The following FGGY variants were observed in gnomAD, a reference collection of about 807,000 sequenced individuals.
FGGY encodes FGGY carbohydrate kinase domain containing.
Under a neutral mutation model 71.3 loss-of-function variants are expected in FGGY, and 72 were observed. The ratio of observed to expected loss-of-function variants is 1.01; its 90% CI spans 0.84 to 1.23. The LOEUF (loss-of-function observed/expected upper bound fraction) is 1.23, where lower values mean the gene tolerates loss of function less well. Ranked by LOEUF, FGGY falls within the 50% of genes most tolerant of loss-of-function variation. The pLI is 0.00. For missense variants in FGGY, 668 were observed against 682.3 expected (o/e 0.98, Z 0.23); for synonymous variants, 251 against 250.3 (o/e 1.00, Z -0.02).
intron 7 of FGGY, among the ~76,000 whole-genome samples, chr1:59,529,462 A>C (rs866463934): frequency 7.9e-5 from 12 of 152,226 alleles, no homozygotes; most frequent in African/African-American, 2.9e-4. Context: ...CTGGGAGAAT[A>C]GGTGTATTCT....
intron 14 of FGGY, among the ~76,000 whole-genome samples, chr1:59,722,958 G>A (rs898631535): frequency 5.9e-5 from 9 of 152,144 alleles, no homozygotes; most frequent in South Asian, 2.1e-4. Flanking sequence ...CACCATGCCC[G>A]GCTAATTTTT....
At chr1:59,653,406 T>C (rs1352454630) in intron 11 of FGGY, among the ~76,000 whole-genome samples, 2 of 152,134 alleles carry the variant, frequency 1.3e-5, no homozygotes, top group African/African-American at 2.4e-5. Context: ...ATCAGCGAGA[T>C]TCTGTGGGCG....
At chr1:59,464,950 A>G (rs959579988) in intron 6 of FGGY, among the ~76,000 whole-genome samples, 1 of 152,344 alleles carries the variant, frequency 6.6e-6, no homozygotes, top group African/African-American at 2.4e-5. Flanking sequence ...AGGAGCTGCT[A>G]CCATTCCTTC....
At chr1:59,496,180 C>T (rs550014858) in intron 6 of FGGY, among the ~76,000 whole-genome samples, 173 of 152,114 alleles carry the variant, frequency 1.1e-3, no homozygotes, top group South Asian at 5.2e-3. Flanking sequence ...TTGTAATTCT[C>T]GTTGTAGAGA....
chr1:59,587,387 C>T (rs1571703461), intron 8 of FGGY, among the ~76,000 whole-genome samples: 1 of 152,122 alleles, frequency 6.6e-6, no homozygotes, highest in East Asian at 1.9e-4. Context: ...AACAAAAAGA[C>T]AGCAGTAACC....
chr1:59,396,385 T>A (rs1211655585), intron 5 of FGGY, among the ~76,000 whole-genome samples: 1 of 152,174 alleles, frequency 6.6e-6, no homozygotes, highest in Non-Finnish European at 1.5e-5. Flanking sequence ...AGCTTGACAG[T>A]GTTTGTTTCT....
chr1:59,445,275 G>T (rs1405604758), intron 5 of FGGY, among the ~76,000 whole-genome samples: 1 of 152,164 alleles, frequency 6.6e-6, no homozygotes, highest in Non-Finnish European at 1.5e-5. Flanking sequence ...CTCACTTCCA[G>T]CCCTGGGCAC....
intron 3 of FGGY, among the ~76,000 whole-genome samples, chr1:59,345,663 C>T (rs1377720774): frequency 2.0e-5 from 3 of 151,658 alleles, no homozygotes; most frequent in Admixed American, 2.0e-4. Flanking sequence ...TTAGATCTGC[C>T]TAATTCCAAA....
At chr1:59,513,093 G>T (rs117992418) in intron 7 of FGGY, among the ~76,000 whole-genome samples, 1 of 152,214 alleles carries the variant, frequency 6.6e-6, no homozygotes. Context: ...ATTGCAGGTT[G>T]TGTGTGTTTT....
chr1:59,613,896 A>G (rs1253802907), intron 9 of FGGY, among the ~76,000 whole-genome samples: 7 of 152,276 alleles, frequency 4.6e-5, no homozygotes, highest in Non-Finnish European at 1.5e-5. Context: ...TAGAAAATCT[A>G]GAAGAAATGG....
chr1:59,703,776 T>C (rs1054729609), intron 14 of FGGY, among the ~76,000 whole-genome samples: 1 of 152,212 alleles, frequency 6.6e-6, no homozygotes, highest in Non-Finnish European at 1.5e-5. Flanking sequence ...TCATGAGTCA[T>C]TTGACTTTGC....
intron 5 of FGGY, among the ~76,000 whole-genome samples, chr1:59,385,026 CT>C (rs1557754744): frequency 6.6e-6 from 1 of 152,028 alleles, no homozygotes; most frequent in Non-Finnish European, 1.5e-5. Context: ...GCTAGAGGGT[CT>C]TTTTTAAAAA....
At chr1:59,597,169 A>G (rs2096532816) in intron 8 of FGGY, among the ~76,000 whole-genome samples, 1 of 152,222 alleles carries the variant, frequency 6.6e-6, no homozygotes, top group Non-Finnish European at 1.5e-5. Context: ...CTAGACTTGT[A>G]GGGATGTATC....
At chr1:59,512,215 G>A (rs1160590026) in intron 6 of FGGY, 96 bp from the exon 7 acceptor site, 1 of 1,314,930 alleles carries the variant, frequency 7.6e-7, no homozygotes, top group African/African-American at 1.5e-5. Context: ...TGCAGAGGAG[G>A]GAGGAGAGAG....
chr1:59,650,297 A>G (rs2097144512), intron 11 of FGGY, among the ~76,000 whole-genome samples: 3 of 140,842 alleles, frequency 2.1e-5, no homozygotes, highest in South Asian at 4.4e-4. Context: ...CGTCTTTTCT[A>G]TTGATTGGAA....
At chr1:59,647,740 T>C (rs914621620) in intron 11 of FGGY, among the ~76,000 whole-genome samples, 5 of 141,262 alleles carry the variant, frequency 3.5e-5, no homozygotes, top group African/African-American at 1.4e-4. Flanking sequence ...CCTGCCACCA[T>C]CTTTTTTTTT....
intron 13 of FGGY, among the ~76,000 whole-genome samples, chr1:59,671,046 A>G (rs1264938066): frequency 6.6e-6 from 1 of 152,074 alleles, no homozygotes; most frequent in East Asian, 1.9e-4. Context: ...TCATTTATTC[A>G]CTCAAAAGCA....
At chr1:59,520,008 G>T (rs1364007086) in intron 7 of FGGY, among the ~76,000 whole-genome samples, 2 of 152,192 alleles carry the variant, frequency 1.3e-5, no homozygotes, top group African/African-American at 2.4e-5. Context: ...CTGGCCTGTG[G>T]TGGGTAGAGG....
chr1:59,537,464 C>T (rs1275450224), intron 7 of FGGY, among the ~76,000 whole-genome samples: 7 of 151,742 alleles, frequency 4.6e-5, no homozygotes, highest in Non-Finnish European at 8.8e-5. Context: ...ATCAAGCTAC[C>T]AATGACTTTC....
Sources: gnomAD v4.1 joint callset for allele counts (sites outside exome capture counted in the v4.1 genomes callset) on GRCh38, gnomAD v4.1.1 for gene constraint, MANE v1.5 for transcripts, NCBI Gene and HGNC (gene_info 2026-07-23, HGNC 2026-07-21) for gene names.